HS3ST4: variants seen among roughly 807,000 people sequenced by gnomAD.
HS3ST4 encodes heparan sulfate-glucosamine 3-sulfotransferase 4.
Under a neutral mutation model 29.2 loss-of-function variants are expected in HS3ST4, and 17 were observed. The ratio of observed to expected loss-of-function variants is 0.58; its 90% CI spans 0.40 to 0.87. The LOEUF (loss-of-function observed/expected upper bound fraction) is 0.87, where lower values mean the gene tolerates loss of function less well. Ranked by LOEUF, HS3ST4 falls within the 40% of genes least tolerant of loss-of-function variation. HS3ST4 has a pLI of 0.00. For missense variants in HS3ST4, 627 were observed against 634.5 expected, an observed-to-expected ratio of 0.99 and a Z score of 0.13; for synonymous variants, 314 against 285.7, an observed-to-expected ratio of 1.10 and a Z score of -1.00.
At chr16:26,079,339 A>G (rs554944991) in intron 1 of HS3ST4, among the ~76,000 whole-genome samples, 1 of 152,360 alleles carries the variant, frequency 6.6e-6, no homozygotes, top group East Asian at 1.9e-4. Context: ...TTGAAAATGA[A>G]GAGCTCATTT....
intron 1 of HS3ST4, among the ~76,000 whole-genome samples, chr16:26,074,601 G>A (rs1428975802): frequency 6.6e-6 from 1 of 152,152 alleles, no homozygotes; most frequent in Non-Finnish European, 1.5e-5. Context: ...AAGAGAAAGG[G>A]CTGGTTCCCT....
chr16:26,095,924 A>T (rs1408057673), intron 1 of HS3ST4, among the ~76,000 whole-genome samples: 1 of 152,216 alleles, frequency 6.6e-6, no homozygotes, highest in Non-Finnish European at 1.5e-5. Flanking sequence ...ACAAAAAATG[A>T]TAAAGGGGAT....
intron 1 of HS3ST4, among the ~76,000 whole-genome samples, chr16:26,133,919 T>C (rs1164888609): frequency 1.3e-5 from 2 of 152,226 alleles, no homozygotes; most frequent in Non-Finnish European, 1.5e-5. Context: ...ATGGAGCACA[T>C]GGTGGCAGAT....
At chr16:25,873,169 C>T (rs1967774281) in intron 1 of HS3ST4, among the ~76,000 whole-genome samples, 1 of 151,516 alleles carries the variant, frequency 6.6e-6, no homozygotes. Flanking sequence ...CCATCACCCA[C>T]ACACACATTC....
chr16:26,081,869 C>T (rs1022562248), intron 1 of HS3ST4, among the ~76,000 whole-genome samples: 2 of 140,524 alleles, frequency 1.4e-5, no homozygotes, highest in African/African-American at 2.7e-5. Context: ...GATCTTGGCT[C>T]ACTGCAACCT....
rs371581690 is a variant in HS3ST4, at chr16:26,064,143, C to G, written c.735-71469C>G. On this transcript the variant is annotated intron_variant, in intron 1 of 1. Transcript: ENST00000331351. ...GGGGGCTATGGTGAGCCAGACAGCA[C>G]AGACCCTCTTTAAGAAACCAGCCAT... is the stretch of plus-strand genomic sequence containing the variant. Among the ~76,000 whole-genome samples the G allele has an allele frequency of 1.1e-4, 16 of 152,168 alleles. 1 individual carries two copies. The highest frequency in any genetic ancestry group is 7.2e-4 in the Admixed American group (11 of 15,276).
At chr16:26,091,639 T>C (rs1288484223) in intron 1 of HS3ST4, among the ~76,000 whole-genome samples, 2 of 152,138 alleles carry the variant, frequency 1.3e-5, no homozygotes, top group Non-Finnish European at 2.9e-5. Context: ...TATATATAGA[T>C]ATCATATCCT....
intron 1 of HS3ST4, among the ~76,000 whole-genome samples, chr16:25,903,324 T>TACATATGTATATGTATATATTATATAC (rs67993882): frequency 0.069 from 5,059 of 73,548 alleles, 272 homozygotes; most frequent in Non-Finnish European, 0.097. Context: ...ATATATTATA[T>TACATATGTATATGTATATATTATATAC]ATATGTATAT....
At chr16:26,117,657 A>T (rs1302394289) in intron 1 of HS3ST4, among the ~76,000 whole-genome samples, 3 of 152,338 alleles carry the variant, frequency 2.0e-5, no homozygotes, top group African/African-American at 7.2e-5. Context: ...AATATCTGGT[A>T]GCAATGAGAT....
chr16:26,107,205 G>C (rs988805098), intron 1 of HS3ST4, among the ~76,000 whole-genome samples: 8 of 151,726 alleles, frequency 5.3e-5, no homozygotes, highest in African/African-American at 1.9e-4. Context: ...ACGTATATAT[G>C]GAATTAAAGA....
At chr16:25,699,818 C>G (rs1966322851) in intron 1 of HS3ST4, among the ~76,000 whole-genome samples, 1 of 152,200 alleles carries the variant, frequency 6.6e-6, no homozygotes, top group Non-Finnish European at 1.5e-5. Context: ...ATTTCTCCAT[C>G]TGCAGAATGA....
intron 1 of HS3ST4, among the ~76,000 whole-genome samples, chr16:26,038,046 C>T (rs1434892491): frequency 1.3e-5 from 2 of 152,170 alleles, no homozygotes; most frequent in Admixed American, 6.5e-5. Context: ...CAAAACCTTA[C>T]ATGATATGGA....
At chr16:25,987,847 T>A (rs1308550596) in intron 1 of HS3ST4, among the ~76,000 whole-genome samples, 1 of 152,164 alleles carries the variant, frequency 6.6e-6, no homozygotes, top group Non-Finnish European at 1.5e-5. Context: ...CCCGGCTCAC[T>A]GCAACTTCTG....
At chr16:25,925,400 CA>C (rs1169731723) in intron 1 of HS3ST4, among the ~76,000 whole-genome samples, 1 of 152,068 alleles carries the variant, frequency 6.6e-6, no homozygotes, top group Non-Finnish European at 1.5e-5. Context: ...TCAGCTTTCT[CA>C]TCTTTAAAAG....
In HS3ST4 at chr16:25,921,608, G is replaced by A. The variant is rs185577413; in HGVS notation, c.735-214004G>A. Among the ~76,000 whole-genome samples, 14 of 152,272 alleles carry A rather than the reference G, an allele frequency of 9.2e-5. No individual in the cohort carries two copies. The East Asian group carries it at 2.7e-3, about 29-fold the overall frequency. ...GATTTTTTGAAGAGCAGAAGCTGGT[G>A]CAATATGGTTTTCTTGTCATCTCAT... On this transcript the variant is annotated intron_variant, in intron 1 of 1. Transcript: ENST00000331351.
intron 1 of HS3ST4, among the ~76,000 whole-genome samples, chr16:25,859,467 C>T (rs181877008): frequency 1.6e-3 from 245 of 152,250 alleles, no homozygotes; most frequent in African/African-American, 5.6e-3. Context: ...TGCCCTACAA[C>T]ATATGTGCTT....
At chr16:25,890,928 A>G (rs1336180962) in intron 1 of HS3ST4, among the ~76,000 whole-genome samples, 1 of 151,450 alleles carries the variant, frequency 6.6e-6, no homozygotes, top group East Asian at 1.9e-4. Context: ...TGATTGGGTC[A>G]TTTGAAAATG....
At chr16:25,886,417 G>C (rs896422763) in intron 1 of HS3ST4, among the ~76,000 whole-genome samples, 1 of 152,172 alleles carries the variant, frequency 6.6e-6, no homozygotes, top group African/African-American at 2.4e-5. Flanking sequence ...TAATGGTGGT[G>C]CTTGTCCTGA....
intron 1 of HS3ST4, among the ~76,000 whole-genome samples, chr16:25,762,577 A>G (rs574737331): frequency 2.0e-5 from 3 of 152,248 alleles, no homozygotes; most frequent in South Asian, 2.1e-4. Context: ...GTGGCCAGGC[A>G]TGGTGGCTCA....
Sources: allele counts gnomAD v4.1 joint callset (sites outside exome capture counted in the v4.1 genomes callset), GRCh38; gene constraint gnomAD v4.1.1; transcripts MANE v1.5; gene names NCBI Gene and HGNC (gene_info 2026-07-23, HGNC 2026-07-21).